FARS2: variants seen among roughly 807,000 people sequenced by gnomAD.
The protein encoded by FARS2 is phenylalanyl-tRNA synthetase 2, mitochondrial.
Under a neutral mutation model 46.4 loss-of-function variants are expected in FARS2, and 40 were observed. That is an observed-to-expected ratio of 0.86 (90% CI 0.67 to 1.12). FARS2 has a LOEUF of 1.12. Ranked by LOEUF, FARS2 falls within the 50% of genes most tolerant of loss-of-function variation. The probability of loss-of-function intolerance (pLI) is 0.00; values close to 1 mark genes in which losing one functional copy is unlikely to be tolerated. For missense variants in FARS2, 513 were observed against 567.9 expected (o/e 0.90, Z 0.98); for synonymous variants, 234 against 214.9 (o/e 1.09, Z -0.78).
chr6:5,443,110 T>C (rs1192732113), intron 4 of FARS2, among the ~76,000 whole-genome samples: 1 of 152,242 alleles, frequency 6.6e-6, no homozygotes, highest in African/African-American at 2.4e-5. Flanking sequence ...ACTTTCCAGT[T>C]TCCCCCCATC....
chr6:5,341,190 T>TATATATATATATAG (rs1771539432), intron 1 of FARS2, among the ~76,000 whole-genome samples: 3 of 9,020 alleles, frequency 3.3e-4, no homozygotes, highest in African/African-American at 4.3e-4. Context: ...CATGGGGAGA[T>TATATATATATATAG]ATATATATAT....
At chr6:5,481,847 C>G (rs746214816) in intron 4 of FARS2, among the ~76,000 whole-genome samples, 1 of 152,150 alleles carries the variant, frequency 6.6e-6, no homozygotes, top group Non-Finnish European at 1.5e-5. Flanking sequence ...GTGGTCTGCT[C>G]TGTGATGCTG....
At chr6:5,294,888 T>G (rs558185443) in intron 1 of FARS2, among the ~76,000 whole-genome samples, 91 of 152,084 alleles carry the variant, frequency 6.0e-4, no homozygotes, top group Non-Finnish European at 1.2e-3. Flanking sequence ...TCCCCCAAAG[T>G]ATAGGGTGGG....
intron 5 of FARS2, among the ~76,000 whole-genome samples, chr6:5,574,377 G>A (rs1341780765): frequency 1.3e-5 from 2 of 152,132 alleles, no homozygotes; most frequent in Admixed American, 6.5e-5. Context: ...ACCCGCCTCG[G>A]CCTCCCAAAG....
chr6:5,350,894 T>C (rs1757534789), intron 1 of FARS2, among the ~76,000 whole-genome samples: 1 of 152,214 alleles, frequency 6.6e-6, no homozygotes, highest in Non-Finnish European at 1.5e-5. Flanking sequence ...AGCTAATTCC[T>C]CTGGAGAGCT....
chr6:5,419,495 C>T (rs1762424446), intron 3 of FARS2, among the ~76,000 whole-genome samples: 1 of 152,014 alleles, frequency 6.6e-6, no homozygotes, highest in Admixed American at 6.6e-5. Flanking sequence ...TCTCTGTTTT[C>T]TTCGTTCCTG....
chr6:5,411,556 T>G (rs1761943259), intron 3 of FARS2, among the ~76,000 whole-genome samples: 1 of 152,220 alleles, frequency 6.6e-6, no homozygotes, highest in Non-Finnish European at 1.5e-5. Flanking sequence ...TTTATATTTG[T>G]TTTTATGGTC....
intron 5 of FARS2, among the ~76,000 whole-genome samples, chr6:5,596,678 A>G (rs2150620374): frequency 6.6e-6 from 1 of 152,348 alleles, no homozygotes; most frequent in East Asian, 1.9e-4. Flanking sequence ...TAAACCAGCA[A>G]GAAGCCCACG....
intron 5 of FARS2, among the ~76,000 whole-genome samples, chr6:5,550,553 G>A (rs987823776): frequency 6.6e-6 from 1 of 152,222 alleles, no homozygotes; most frequent in Non-Finnish European, 1.5e-5. Flanking sequence ...GGCATGATGA[G>A]CCACTGTGCC....
At chr6:5,440,264 A>G (rs989342490) in intron 4 of FARS2, among the ~76,000 whole-genome samples, 1 of 152,182 alleles carries the variant, frequency 6.6e-6, no homozygotes, top group Admixed American at 6.5e-5. Context: ...TTATATATAT[A>G]TTTTATAAAA....
chr6:5,431,242 G>A, intron 4 of FARS2, 70 bp downstream of exon 4: 1 of 1,499,774 alleles, frequency 6.7e-7, no homozygotes, highest in Non-Finnish European at 9.2e-7. Flanking sequence ...CAGCCCCGTT[G>A]CACACTTGTA....
chr6:5,339,789 T>C (rs1013551352), intron 1 of FARS2, among the ~76,000 whole-genome samples: 4 of 152,162 alleles, frequency 2.6e-5, no homozygotes, highest in Admixed American at 6.5e-5. Context: ...CAGCAACTTA[T>C]AAAGCATAAA....
At chr6:5,321,600 G>A (rs1336762024) in intron 1 of FARS2, among the ~76,000 whole-genome samples, 1 of 151,540 alleles carries the variant, frequency 6.6e-6, no homozygotes, top group Non-Finnish European at 1.5e-5. Flanking sequence ...ACTAAGCTTT[G>A]TTGTATCTAC....
chr6:5,520,888 T>C (rs1013179874), intron 4 of FARS2, among the ~76,000 whole-genome samples: 1 of 152,230 alleles, frequency 6.6e-6, no homozygotes, highest in South Asian at 2.1e-4. Flanking sequence ...ATATTTTTAA[T>C]GTCCTGTTGG....
intron 5 of FARS2, among the ~76,000 whole-genome samples, chr6:5,595,742 T>C (rs1774161890): frequency 6.6e-6 from 1 of 152,070 alleles, no homozygotes; most frequent in Admixed American, 6.5e-5. Flanking sequence ...ATAGTAAACA[T>C]GTATATGTTT....
At chr6:5,297,059 A>G (rs988451562) in intron 1 of FARS2, among the ~76,000 whole-genome samples, 1 of 152,186 alleles carries the variant, frequency 6.6e-6, no homozygotes, top group African/African-American at 2.4e-5. Context: ...AGGGGTTCCA[A>G]TTTCTTCACA....
At chr6:5,650,332 T>G (rs9504470) in intron 6 of FARS2, among the ~76,000 whole-genome samples, 59,467 of 148,688 alleles carry the variant, frequency 0.4, 12,133 homozygotes, top group Non-Finnish European at 0.44. Context: ...TATATGTACA[T>G]CATGGAAGAG....
chr6:5,687,898 C>T (rs1156314297), intron 6 of FARS2, among the ~76,000 whole-genome samples: 2 of 152,106 alleles, frequency 1.3e-5, no homozygotes, highest in Non-Finnish European at 2.9e-5. Context: ...TGTAGTTCTC[C>T]TTGAAGAGGT....
intron 4 of FARS2, among the ~76,000 whole-genome samples, chr6:5,503,395 CACACACACACAGAGAGAGAG>C (rs1767917175): frequency 2.8e-5 from 2 of 70,448 alleles, no homozygotes; most frequent in South Asian, 7.7e-4. Context: ...CACACACACA[CACACACACACAGAGAGAGAG>C]AGAGAGAGAG....
Sources: allele counts gnomAD v4.1 joint callset (sites outside exome capture counted in the v4.1 genomes callset), GRCh38; gene constraint gnomAD v4.1.1; transcripts MANE v1.5; gene names NCBI Gene and HGNC (gene_info 2026-07-23, HGNC 2026-07-21).